Variants in KRT34 observed in about 807,000 individuals in gnomAD.
The protein encoded by KRT34 is keratin 34.
KRT34 carries 31 observed loss-of-function variants against 41.7 expected under a neutral mutation model. The ratio of observed to expected loss-of-function variants is 0.74; its 90% CI spans 0.56 to 1.00. KRT34 has a LOEUF of 1.00. Among genes scored for constraint, KRT34 ranks in the 50% least tolerant of loss-of-function variants. The pLI is 0.00. For synonymous variants in KRT34, 224 were observed against 212.9 expected (o/e 1.05, Z -0.45); for missense variants, 523 against 500.3 (o/e 1.05, Z -0.43).
In KRT34 at chr17:41,381,147, A is replaced by G; in HGVS notation, c.497T>C (p.Leu166Pro). 6.2e-7 allele frequency: 1 copy of G among 1,614,188 alleles called. No individual in the cohort carries two copies. The highest frequency in any genetic ancestry group is 1.1e-5 in the South Asian group (1 of 91,088). Reference sequence around the variant, plus strand: ...AGACTTGCAGAGGGTCAGCTCATCCAGGATCCTGCGTATGCTGTTGATGTC... The same window carrying G: ...AGACTTGCAGAGGGTCAGCTCATCCGGGATCCTGCGTATGCTGTTGATGTC... ...ESDINSIRRI[L>P]DELTLCKSDL... The change falls in exon 3 of 7, where the codon CTG becomes CCG. Residue 166 changes from leucine (L) to proline (P), a missense_variant. Transcript: ENST00000394001.
At chr17:41,382,456 A>T (rs574192966), upstream of KRT34, 7 of 1,144,564 alleles carry the variant, frequency 6.1e-6, no homozygotes, top group Admixed American at 1.7e-4. Context: ...TCAACCCATA[A>T]AATTATTCCA....
At position 41,381,911 on chromosome 17, in the gene KRT34, C is replaced by T. The variant is rs759256671; in HGVS notation, c.336G>A (p.Glu112=). ...CCAACCCCCTCACCTTCTGCTGGAG[C>T]TCCTCAATGGTCTTGAAGTAGGACT... ...SYQSYFKTIE[E]LQQKILCAKA... is the part of the protein sequence containing the mutation. The change falls in exon 1 of 7, where the codon GAG becomes GAA. Residue 112 remains glutamate (E), a synonymous_variant. Transcript: ENST00000394001. The T allele has an allele frequency of 6.2e-7, 1 of 1,613,998 alleles. No homozygotes were observed. Among genetic ancestry groups the T allele is most frequent in the South Asian group, 1.1e-5 (1 of 91,086 alleles).
intron 3 of KRT34, among the ~76,000 whole-genome samples, chr17:41,379,978 G>A (rs2017945896): frequency 6.6e-6 from 1 of 151,982 alleles, no homozygotes; most frequent in Non-Finnish European, 1.5e-5. Context: ...GCACTAAAAG[G>A]GGCCGGGCAC....
Position 41,379,658 on chromosome 17 carries a change from A to T in KRT34, c.662T>A (p.Leu221Gln). 6.2e-7 allele frequency: 1 copy of T among 1,614,184 alleles called. No homozygotes were observed. The highest frequency in any genetic ancestry group is 1.3e-5 in the African/African-American group (1 of 75,072). The part of the protein sequence containing the change: ...VEVDTAPTVD[L>Q]NQVLNETRSQ... The stretch of plus-strand genomic sequence containing the variant: ...CCTGGTCTCGTTCAGGACCTGGTTC[A>T]GGTCCACAGTGGGGGCAGTGTCCAC... Residue 221 changes from leucine to glutamine, a missense_variant, in exon 4 of 7, where the codon CTG (leucine) becomes CAG (glutamine). By Grantham distance (113) the Leu-to-Gln change is moderately radical (BLOSUM62 -2). Transcript: ENST00000394001.
intron 3 of KRT34, among the ~76,000 whole-genome samples, chr17:41,379,980 G>T (rs1173427491): frequency 1.3e-5 from 2 of 152,128 alleles, no homozygotes; most frequent in Non-Finnish European, 2.9e-5. Context: ...ACTAAAAGGG[G>T]CCGGGCACAG....
chr17:41,382,180 G>A lies in KRT34; in HGVS notation c.67C>T (p.Pro23Ser), dbSNP rs540743865. Residue 23 changes from proline to serine, a missense_variant, in exon 1 of 7, where the codon CCC becomes TCC. Coordinates refer to ENST00000394001, the MANE Select transcript of KRT34 (RefSeq NM_001386014.1). ...RTSCSSRPCV[P>S]PSCHGYTLPG... The stretch of plus-strand genomic sequence containing the variant: ...AGGGTGTAGCCGTGGCAGCTGGGGG[G>A]CACGCAGGGCCGGGAGGAGCAGCTG... 6.2e-5 allele frequency: 100 copies of A among 1,612,382 alleles called. No homozygotes were observed. The East Asian group carries it at 1.8e-3, about 28-fold the overall frequency.
upstream of KRT34, among the ~76,000 whole-genome samples, chr17:41,382,809 T>A (rs945709993): frequency 1.3e-5 from 2 of 152,222 alleles, no homozygotes; most frequent in African/African-American, 4.8e-5. Context: ...GAAATGATCC[T>A]GAGCCTTACT....
Position 41,381,303 on chromosome 17 carries a change from T to C in KRT34, c.432-91A>G, listed in dbSNP as rs1469004748. ...TGGGTAGAATTGGCCTGAATCTTCTTGAACTTACAGTTTTCTGCCTCTTCT... is the reference window on the plus strand; with the variant it reads ...TGGGTAGAATTGGCCTGAATCTTCTCGAACTTACAGTTTTCTGCCTCTTCT... On this transcript the variant is annotated intron_variant, in intron 2 of 6. Transcript: ENST00000394001. 1.1e-5 allele frequency: 15 copies of C among 1,358,968 alleles called. No individual in the cohort carries two copies. In the East Asian group the frequency reaches 3.5e-4, roughly 31 times the overall value. The allele number at this position is 1,358,968 out of a possible 1,614,324, so 84.2% of individuals were successfully genotyped here.
At chr17:41,383,312 C>T (rs963836761), upstream of KRT34, among the ~76,000 whole-genome samples, 8 of 152,214 alleles carry the variant, frequency 5.3e-5, no homozygotes, top group African/African-American at 1.7e-4. Flanking sequence ...CCAATGCGTC[C>T]GGCAGTAAAT....
Position 41,377,931 on chromosome 17 carries a change from G to T in KRT34, c.*128C>A. 1 of 662,050 alleles carries T rather than the reference G, an allele frequency of 1.5e-6. No homozygotes were observed. The highest frequency in any genetic ancestry group is 2.7e-6 in the Non-Finnish European group (1 of 370,322). The allele number at this position is 662,050 out of a possible 1,614,324, so 41.0% of individuals were successfully genotyped here. On this transcript the variant is annotated 3_prime_UTR_variant, in exon 7 of 7. Coordinates refer to ENST00000394001, the MANE Select transcript of KRT34 (RefSeq NM_001386014.1). ...GTCAGGAAAGCTTTTCAGCATTCTA[G>T]AAATAACATAGAGGCAAGATGAGGT...
chr17:41,379,333 C>T lies in KRT34; in HGVS notation c.876+20G>A, dbSNP rs776717855. On this transcript the variant is annotated intron_variant, in intron 5 of 6. Coordinates refer to ENST00000394001, the MANE Select transcript of KRT34 (RefSeq NM_001386014.1). ...CTCCCAAGTTCCCATCGCTCACCAGCAGGTCTGAACAATACACACCAGGTT... is the reference window on the plus strand; with the variant it reads ...CTCCCAAGTTCCCATCGCTCACCAGTAGGTCTGAACAATACACACCAGGTT... The T allele has an allele frequency of 4.3e-6, 7 of 1,612,988 alleles. No individual in the cohort carries two copies. The highest frequency in any genetic ancestry group is 5.9e-6 in the Non-Finnish European group (7 of 1,179,966).
chr17:41,381,848 G>A (rs1331666906), intron 1 of KRT34, 51 bp downstream of exon 1: 2 of 1,613,280 alleles, frequency 1.2e-6, no homozygotes, highest in African/African-American at 1.3e-5. Context: ...ATGTCTTACT[G>A]TTCAAAGAGA....
At chr17:41,378,251 G>T in intron 6 of KRT34, 105 bp from the exon 7 acceptor site, 2 of 778,486 alleles carry the variant, frequency 2.6e-6, no homozygotes, top group Non-Finnish European at 4.5e-6. Context: ...GCTGGAGTTA[G>T]TTGGAATCAA....
Position 41,378,152 on chromosome 17 carries a change from A to C in KRT34, c.1098-6T>G. On this transcript the variant is annotated splice_region_variant and splice_polypyrimidine_tract_variant and intron_variant, in intron 6 of 6. Coordinates refer to ENST00000394001, the MANE Select transcript of KRT34 (RefSeq NM_001386014.1). ...CGCATGGGTTGCAGGGGAGCCTAGG[A>C]GGACAAGGAGGTTTAGAATGGCTTT... The C allele has an allele frequency of 3.1e-6, 5 of 1,607,202 alleles. No individual in the cohort carries two copies. Among genetic ancestry groups the C allele is most frequent in the Non-Finnish European group, 4.3e-6 (5 of 1,173,926 alleles).
upstream of KRT34, among the ~76,000 whole-genome samples, chr17:41,382,963 CCACACGT>C (rs1349560286): frequency 6.6e-6 from 1 of 151,926 alleles, no homozygotes; most frequent in Non-Finnish European, 1.5e-5. Flanking sequence ...AAATGGCAGC[CCACACGT>C]CAAGTTTACC....
chr17:41,378,434 C>T (rs1198333170), intron 6 of KRT34, among the ~76,000 whole-genome samples: 1 of 152,120 alleles, frequency 6.6e-6, no homozygotes, highest in Non-Finnish European at 1.5e-5. Context: ...GGATCACAGG[C>T]ATGCGTCACC....
At chr17:41,379,764 G>A in intron 3 of KRT34, 33 bp from the exon 4 acceptor site, 2 of 1,561,996 alleles carry the variant, frequency 1.3e-6, no homozygotes, top group Non-Finnish European at 1.7e-6. Context: ...TGAACCTACG[G>A]CAATGGATCT....
intron 3 of KRT34, among the ~76,000 whole-genome samples, chr17:41,380,120 G>A (rs561226883): frequency 3.3e-5 from 5 of 152,220 alleles, no homozygotes; most frequent in East Asian, 1.9e-4. Flanking sequence ...TTAGCTGGGC[G>A]TGGTGGCATG....
chr17:41,381,750 C>T lies in KRT34; in HGVS notation c.394G>A (p.Asp132Asn). The T allele has an allele frequency of 1.2e-6, 2 of 1,614,238 alleles. No individual in the cohort carries two copies. Among genetic ancestry groups the T allele is most frequent in the Non-Finnish European group, 1.7e-6 (2 of 1,180,034 alleles). The stretch of plus-strand genomic sequence containing the variant: ...TCGTCAGAGGCCAGCTTGGCATTGT[C>T]AATGTTCACCACCAGCCTGGCATTC... ...AENARLVVNI[D>N]NAKLASDDFR... is the part of the protein sequence containing the mutation. The change falls in exon 2 of 7, where the codon GAC (aspartate) becomes AAC (asparagine). Residue 132 changes from aspartate to asparagine, a missense_variant. Coordinates refer to ENST00000394001, the MANE Select transcript of KRT34 (RefSeq NM_001386014.1).
Sources: gnomAD v4.1 joint callset for allele counts (sites outside exome capture counted in the v4.1 genomes callset) on GRCh38, gnomAD v4.1.1 for gene constraint, MANE v1.5 for transcripts, NCBI Gene and HGNC (gene_info 2026-07-23, HGNC 2026-07-21) for gene names.